Variants in CERT1 observed in about 807,000 individuals in gnomAD.
CERT1 encodes the protein ceramide transporter 1, also known as ceramide transfer protein.
CERT1 carries 31 observed loss-of-function variants against 87.9 expected under a neutral mutation model. That is an observed-to-expected ratio of 0.35 (90% confidence interval 0.27 to 0.48). The LOEUF (loss-of-function observed/expected upper bound fraction) is 0.48, where lower values mean the gene tolerates loss of function less well. CERT1 is among the 20% of genes least tolerant of loss of function. CERT1 has a pLI of 0.99. For missense variants in CERT1, 487 were observed against 758.0 expected, an observed-to-expected ratio of 0.64 and a Z score of 4.20; for synonymous variants, 289 against 250.9, an observed-to-expected ratio of 1.15 and a Z score of -1.44.
intron 7 of CERT1, among the ~76,000 whole-genome samples, chr5:75,413,488 A>G (rs1290174175): frequency 2.0e-5 from 3 of 152,216 alleles, no homozygotes; most frequent in Admixed American, 1.3e-4. Context: ...ATGTGCCTGT[A>G]GTCCTGGTCA....
chr5:75,426,364 T>G lies in CERT1; in HGVS notation c.456+7A>C. 1 of 1,594,832 alleles carries G rather than the reference T, an allele frequency of 6.3e-7. No homozygotes were observed. Among genetic ancestry groups the G allele is most frequent in the Non-Finnish European group, 8.6e-7 (1 of 1,162,586 alleles). On this transcript the variant is annotated splice_region_variant and intron_variant, in intron 4 of 16. Transcript: ENST00000643780. ...TGTTTAACTTAAGGCATCCATTAACTACACACCTTGAATGAAGAGGTGGAT... is the reference window on the plus strand; with the variant it reads ...TGTTTAACTTAAGGCATCCATTAACGACACACCTTGAATGAAGAGGTGGAT...
Position 75,426,363 on chromosome 5 carries a change from C to T in CERT1, c.456+8G>A, listed in dbSNP as rs772193946. ...TTGTTTAACTTAAGGCATCCATTAA[C>T]TACACACCTTGAATGAAGAGGTGGA... On this transcript the variant is annotated splice_region_variant and intron_variant, in intron 4 of 16. Coordinates refer to ENST00000643780, the MANE Select transcript of CERT1 (RefSeq NM_001379029.1). 2.5e-6 allele frequency: 4 copies of T among 1,591,652 alleles called. No homozygotes were observed. The highest frequency in any genetic ancestry group is 3.4e-6 in the Non-Finnish European group (4 of 1,159,714).
At chr5:75,473,336 T>C (rs573805616) in intron 2 of CERT1, among the ~76,000 whole-genome samples, 2 of 152,290 alleles carry the variant, frequency 1.3e-5, no homozygotes, top group Non-Finnish European at 2.9e-5. Flanking sequence ...TCCTCCAGTC[T>C]GGACCTCCCA....
In CERT1 at chr5:75,378,415, T is replaced by A. The variant is rs1169737889; in HGVS notation, c.*931A>T. 1.3e-5 allele frequency: 2 copies of A among 152,234 alleles called. No individual in the cohort carries two copies. The highest frequency in any genetic ancestry group is 2.9e-5 in the Non-Finnish European group (2 of 68,086). The allele number at this position is 152,234 out of a possible 1,614,324, so 9.4% of individuals were successfully genotyped here. On this transcript the variant is annotated 3_prime_UTR_variant, in exon 17 of 17. Transcript: ENST00000643780. ...AGCCTGGGCAGCAAGAGAGAAACTT[T>A]GTCTCAACAACACCAAAATAAAGTT...
At chr5:75,402,224 G>A (rs1580720516) in intron 9 of CERT1, 1 of 152,114 alleles carries the variant, frequency 6.6e-6, no homozygotes, top group African/African-American at 2.4e-5. Context: ...TAATAAAGGG[G>A]TTAATAAAAA....
At chr5:75,385,819 A>G (rs1580697601) in intron 13 of CERT1, 83 bp downstream of exon 13, 2 of 1,055,816 alleles carry the variant, frequency 1.9e-6, no homozygotes, top group East Asian at 6.1e-5. Context: ...TTTGTAAACT[A>G]TGTAGGAGAT....
intron 2 of CERT1, among the ~76,000 whole-genome samples, chr5:75,504,096 A>G (rs1767542142): frequency 6.6e-6 from 1 of 151,962 alleles, no homozygotes; most frequent in South Asian, 2.1e-4. Context: ...ACTATTTTCA[A>G]AGAGTTAAGC....
chr5:75,433,016 G>A (rs998956785), intron 3 of CERT1, among the ~76,000 whole-genome samples: 3 of 152,118 alleles, frequency 2.0e-5, no homozygotes, highest in Non-Finnish European at 4.4e-5. Context: ...GTGGTTGTGA[G>A]GCTTTATTTC....
intron 2 of CERT1, among the ~76,000 whole-genome samples, chr5:75,496,976 CT>C (rs1042832289): frequency 2.6e-5 from 4 of 151,272 alleles, no homozygotes; most frequent in South Asian, 2.1e-4. Context: ...CACAACATAT[CT>C]TTTTTTTAAA....
At chr5:75,412,047 T>C (rs540094123) in intron 7 of CERT1, among the ~76,000 whole-genome samples, 1 of 152,228 alleles carries the variant, frequency 6.6e-6, no homozygotes, top group African/African-American at 2.4e-5. Flanking sequence ...CAAAGGTTGG[T>C]CCCATATAAA....
intron 3 of CERT1, among the ~76,000 whole-genome samples, chr5:75,443,008 A>G (rs1008827584): frequency 6.6e-6 from 1 of 152,174 alleles, no homozygotes; most frequent in Non-Finnish European, 1.5e-5. Flanking sequence ...TGTTTCAGGC[A>G]TCCACTTGGG....
intron 3 of CERT1, among the ~76,000 whole-genome samples, chr5:75,441,406 G>A (rs148718612): frequency 1.3e-5 from 2 of 152,238 alleles, no homozygotes; most frequent in East Asian, 1.9e-4. Context: ...TTAAGAACGT[G>A]GGTATTTGTT....
intron 16 of CERT1, among the ~76,000 whole-genome samples, chr5:75,380,615 C>T (rs1041104689): frequency 2.6e-4 from 40 of 151,762 alleles, no homozygotes; most frequent in African/African-American, 6.0e-4. Context: ...GGTGAAACCC[C>T]GTCTCTACTA....
intron 2 of CERT1, among the ~76,000 whole-genome samples, chr5:75,490,623 C>G (rs971062788): frequency 6.6e-6 from 1 of 152,008 alleles, no homozygotes; most frequent in Non-Finnish European, 1.5e-5. Context: ...CTCAGCCTCC[C>G]GAGTAGCTGG....
At chr5:75,410,785 C>G in intron 8 of CERT1, 1 of 310,696 alleles carries the variant, frequency 3.2e-6, no homozygotes, top group Non-Finnish European at 5.7e-6. Context: ...AGTGAACAGG[C>G]CTAATACTAA....
chr5:75,407,981 T>C lies in CERT1; in HGVS notation c.930+3030A>G, dbSNP rs565972598. On this transcript the variant is annotated intron_variant, in intron 8 of 16. Coordinates refer to ENST00000643780, the MANE Select transcript of CERT1 (RefSeq NM_001379029.1). ...TAGTGTTAATTACTGTATATGCACA[T>C]TGCAATGTAAAAGATCTCTAGAACT... 4.0e-5 allele frequency among the ~76,000 whole-genome samples: 6 copies of C among 151,836 alleles called. No individual in the cohort carries two copies. In the South Asian group the frequency reaches 6.3e-4, roughly 16 times the overall value.
chr5:75,414,402 G>A (rs1300492777), intron 7 of CERT1, among the ~76,000 whole-genome samples: 2 of 152,112 alleles, frequency 1.3e-5, no homozygotes, highest in Non-Finnish European at 2.9e-5. Flanking sequence ...TGTATGTTAT[G>A]TATTAATTTT....
chr5:75,399,526 C>T lies in CERT1; in HGVS notation c.1111-139G>A, dbSNP rs1298565758. 4.5e-6 allele frequency: 3 copies of T among 661,174 alleles called. No individual in the cohort carries two copies. The African/African-American group carries it at 5.5e-5, about 12-fold the overall frequency. The allele number at this position is 661,174 out of a possible 1,614,324, so 41.0% of individuals were successfully genotyped here. On this transcript the variant is annotated intron_variant, in intron 10 of 16. Transcript: ENST00000643780. ...AAACAAGCACAGCAGCAACTGCTGA[C>T]TTCATGCACCTATTATGTATTATGT...
intron 3 of CERT1, among the ~76,000 whole-genome samples, chr5:75,429,702 A>T (rs1432262148): frequency 6.6e-6 from 1 of 152,128 alleles, no homozygotes; most frequent in Non-Finnish European, 1.5e-5. Flanking sequence ...CAAGCAAGTA[A>T]ATCAAAAATA....
Sources: gnomAD v4.1 joint callset for allele counts (sites outside exome capture counted in the v4.1 genomes callset) on GRCh38, gnomAD v4.1.1 for gene constraint, MANE v1.5 for transcripts, NCBI Gene and HGNC (gene_info 2026-07-23, HGNC 2026-07-21) for gene names.